The following ARHGEF7 variants were observed in gnomAD, a reference collection of about 807,000 sequenced individuals.
ARHGEF7 encodes the protein PAK-interacting exchange factor beta.
A neutral mutation model predicts 109.8 loss-of-function variants in ARHGEF7; 33 were observed. The ratio of observed to expected loss-of-function variants is 0.30; its 90% confidence interval spans 0.23 to 0.40. The LOEUF (loss-of-function observed/expected upper bound fraction) is 0.40, where lower values mean the gene tolerates loss of function less well. Ranked by LOEUF, ARHGEF7 falls within the 10% of genes least tolerant of loss-of-function variation. The pLI, the probability that ARHGEF7 is intolerant of heterozygous loss-of-function variation, is 1.00. For synonymous variants in ARHGEF7, 458 were observed against 424.6 expected, an observed-to-expected ratio of 1.08 and a Z score of -0.97; for missense variants, 938 against 1,098.5, an observed-to-expected ratio of 0.85 and a Z score of 2.07.
intron 21 of ARHGEF7, among the ~76,000 whole-genome samples, chr13:111,302,633 G>A (rs1172882180): frequency 6.6e-6 from 1 of 152,238 alleles, no homozygotes; most frequent in Non-Finnish European, 1.5e-5. Context: ...GTTACTTCCA[G>A]TCCTTTCTGT....
chr13:111,186,799 G>C, intron 2 of ARHGEF7: 1 of 985,430 alleles, frequency 1.0e-6, no homozygotes, highest in Non-Finnish European at 1.2e-6. Flanking sequence ...GCTTCAGTGA[G>C]CCCAGAAAGT....
At chr13:111,286,529 T>G (rs1029659693) in intron 17 of ARHGEF7, among the ~76,000 whole-genome samples, 7 of 152,188 alleles carry the variant, frequency 4.6e-5, no homozygotes, top group African/African-American at 1.7e-4. Flanking sequence ...CCTGCTCTTC[T>G]GGTTCTCCCT....
intron 2 of ARHGEF7, among the ~76,000 whole-genome samples, chr13:111,159,360 C>G (rs1317249534): frequency 1.3e-5 from 2 of 152,184 alleles, no homozygotes; most frequent in Non-Finnish European, 2.9e-5. Flanking sequence ...GTGCAGACAT[C>G]TCTTCAACAT....
chr13:111,243,861 A>G lies in ARHGEF7; in HGVS notation c.760-11A>G. The G allele has an allele frequency of 6.5e-7, 1 of 1,544,178 alleles. No individual in the cohort carries two copies. Among genetic ancestry groups the G allele is most frequent in the African/African-American group, 1.4e-5 (1 of 73,138 alleles). Reference sequence around the variant, plus strand: ...AAATGTCAAATAACACTTATTCATCATTTATTATAGGTGCTACAGAATATT... The same window carrying G: ...AAATGTCAAATAACACTTATTCATCGTTTATTATAGGTGCTACAGAATATT... On this transcript the variant is annotated splice_polypyrimidine_tract_variant and intron_variant, in intron 6 of 21. Transcript: ENST00000646102.
intron 1 of ARHGEF7, among the ~76,000 whole-genome samples, chr13:111,117,570 A>G (rs1190736058): frequency 3.9e-5 from 6 of 152,188 alleles, no homozygotes; most frequent in East Asian, 1.9e-4. Flanking sequence ...TTTTTGGAGT[A>G]AAATATTAGC....
intron 2 of ARHGEF7, among the ~76,000 whole-genome samples, chr13:111,154,435 C>T (rs1938265168): frequency 6.6e-6 from 1 of 152,152 alleles, no homozygotes; most frequent in African/African-American, 2.4e-5. Flanking sequence ...CAGGCAAAGT[C>T]GTGCAGAAAT....
In ARHGEF7 at chr13:111,163,822, G is replaced by T. The variant is rs141741726; in HGVS notation, c.252+9831G>T. ...AGTGCTGGGATTATAGGCATGAGCCGCTGTACCTGGCCTAAAGTTAATTTT... is the reference window on the plus strand; with the variant it reads ...AGTGCTGGGATTATAGGCATGAGCCTCTGTACCTGGCCTAAAGTTAATTTT... On this transcript the variant is annotated intron_variant, in intron 2 of 21. Transcript: ENST00000646102. 2.9e-3 allele frequency among the ~76,000 whole-genome samples: 440 copies of T among 152,212 alleles called. 2 individuals carry two copies. The highest frequency in any genetic ancestry group is 6.0e-3 in the South Asian group (29 of 4,820).
rs891012227 is a variant in ARHGEF7, at chr13:111,177,945, G to A, written c.252+23954G>A. Among the ~76,000 whole-genome samples, 5 of 152,146 alleles carry A rather than the reference G, an allele frequency of 3.3e-5. 1 individual carries two copies. Among genetic ancestry groups the A allele is most frequent in the African/African-American group, 1.2e-4 (5 of 41,428 alleles). ...GAAGCTTGAACTCGCACGCAGTGTG[G>A]TCCCGAGAACCCTGGAATAGCTCAC... On this transcript the variant is annotated intron_variant, in intron 2 of 21. Coordinates refer to ENST00000646102, the MANE Select transcript of ARHGEF7 (RefSeq NM_001354046.2).
At chr13:111,231,891 G>T (rs2086108026) in intron 5 of ARHGEF7, among the ~76,000 whole-genome samples, 1 of 152,098 alleles carries the variant, frequency 6.6e-6, no homozygotes, top group African/African-American at 2.4e-5. Flanking sequence ...TCTAGGAAAT[G>T]CTCATCAGAA....
chr13:111,151,530 T>C (rs953631229), intron 1 of ARHGEF7, among the ~76,000 whole-genome samples: 1 of 152,240 alleles, frequency 6.6e-6, no homozygotes, highest in African/African-American at 2.4e-5. Flanking sequence ...TCCACAATTT[T>C]AGCTGCTTTT....
At chr13:111,225,782 C>T (rs1226085367) in intron 5 of ARHGEF7, among the ~76,000 whole-genome samples, 1 of 152,118 alleles carries the variant, frequency 6.6e-6, no homozygotes, top group Non-Finnish European at 1.5e-5. Flanking sequence ...GCCCTACTGA[C>T]CGGGAATTCC....
At chr13:111,119,645 A>G (rs2067041110) in intron 1 of ARHGEF7, among the ~76,000 whole-genome samples, 1 of 152,216 alleles carries the variant, frequency 6.6e-6, no homozygotes, top group South Asian at 2.1e-4. Context: ...TGCATTTCCC[A>G]AACTGTAACC....
At chr13:111,205,404 G>T (rs1235257807) in intron 3 of ARHGEF7, 31 bp downstream of exon 3, 10 of 1,494,944 alleles carry the variant, frequency 6.7e-6, no homozygotes, top group Non-Finnish European at 8.1e-6. Flanking sequence ...ACTCGAGGGG[G>T]TGGGAAGACA....
chr13:111,271,604 T>C (rs1489000433), intron 9 of ARHGEF7, among the ~76,000 whole-genome samples: 1 of 152,244 alleles, frequency 6.6e-6, no homozygotes, highest in Non-Finnish European at 1.5e-5. Context: ...TTGAGTTGTC[T>C]GTTGCCCACA....
chr13:111,245,417 C>A (rs2088642026), intron 8 of ARHGEF7, among the ~76,000 whole-genome samples: 1 of 152,112 alleles, frequency 6.6e-6, no homozygotes, highest in South Asian at 2.1e-4. Context: ...GATGACACTT[C>A]AAGATGATGA....
rs543176739 is a variant in ARHGEF7, at chr13:111,300,938, C to G, written c.2411+91C>G. On this transcript the variant is annotated intron_variant, in intron 20 of 21. Coordinates refer to ENST00000646102, the MANE Select transcript of ARHGEF7 (RefSeq NM_001354046.2). ...CAACTCCCTGAGGGCGGGGGTATGG[C>G]TTCAGAAGCTTCACTTTTTTTTTTT... 1.8e-4 allele frequency: 123 copies of G among 694,412 alleles called. 1 individual carries two copies. In the East Asian group the frequency reaches 3.2e-3, roughly 18 times the overall value. The allele number at this position is 694,412 out of a possible 1,614,324, so 43.0% of individuals were successfully genotyped here.
intron 2 of ARHGEF7, among the ~76,000 whole-genome samples, chr13:111,179,061 T>C (rs1235900720): frequency 1.4e-5 from 2 of 145,014 alleles, no homozygotes; most frequent in Admixed American, 7.2e-5. Flanking sequence ...TCACCAGCAT[T>C]CTGAGTTCAA....
intron 5 of ARHGEF7, among the ~76,000 whole-genome samples, chr13:111,222,128 C>T (rs2084515212): frequency 6.6e-6 from 1 of 152,176 alleles, no homozygotes; most frequent in Non-Finnish European, 1.5e-5. Context: ...GCAACACCCT[C>T]ACAGACACAC....
At chr13:111,302,778 C>T (rs917306335) in intron 21 of ARHGEF7, among the ~76,000 whole-genome samples, 1 of 152,218 alleles carries the variant, frequency 6.6e-6, no homozygotes, top group Admixed American at 6.5e-5. Flanking sequence ...AGGACCATTT[C>T]CATCCCGGGA....
Sources: gnomAD v4.1 joint callset for allele counts (sites outside exome capture counted in the v4.1 genomes callset) on GRCh38, gnomAD v4.1.1 for gene constraint, MANE v1.5 for transcripts, NCBI Gene and HGNC (gene_info 2026-07-23, HGNC 2026-07-21) for gene names.